SPAG16: variants seen among roughly 807,000 people sequenced by gnomAD.
The protein encoded by SPAG16 is sperm-associated antigen 16 protein.
SPAG16 carries 86 observed loss-of-function variants against 80.4 expected under a neutral mutation model. The observed-to-expected ratio is 1.07, with a 90% confidence interval of 0.90 to 1.28. SPAG16 has a LOEUF of 1.28. Ranked by LOEUF, SPAG16 falls within the 50% of genes most tolerant of loss-of-function variation. The probability of loss-of-function intolerance (pLI) is 0.00; values close to 1 mark genes in which losing one functional copy is unlikely to be tolerated. For missense variants in SPAG16, 870 were observed against 765.3 expected, an observed-to-expected ratio of 1.14 and a Z score of -1.61; for synonymous variants, 294 against 265.9, an observed-to-expected ratio of 1.11 and a Z score of -1.03.
intron 10 of SPAG16, among the ~76,000 whole-genome samples, chr2:213,724,763 T>G (rs1289252204): frequency 3.9e-5 from 4 of 103,518 alleles, no homozygotes; most frequent in African/African-American, 1.5e-4. Context: ...GGTGACAGAG[T>G]GAGACTCTGT....
intron 10 of SPAG16, among the ~76,000 whole-genome samples, chr2:213,742,135 T>C (rs917086390): frequency 1.2e-3 from 2 of 1,638 alleles, no homozygotes; most frequent in African/African-American, 5.1e-3. Flanking sequence ...CTGTGTTTAG[T>C]ATTTTTTTTT....
chr2:213,467,385 A>T (rs750602601), intron 9 of SPAG16, among the ~76,000 whole-genome samples: 1 of 152,134 alleles, frequency 6.6e-6, no homozygotes, highest in African/African-American at 2.4e-5. Flanking sequence ...AGCCATAAGG[A>T]TGGTAGTTCC....
At chr2:213,775,476 A>G (rs2125564208) in intron 10 of SPAG16, among the ~76,000 whole-genome samples, 1 of 152,302 alleles carries the variant, frequency 6.6e-6, no homozygotes, top group East Asian at 1.9e-4. Flanking sequence ...TGTGATAACA[A>G]CACTTAACAT....
intron 11 of SPAG16, among the ~76,000 whole-genome samples, chr2:213,878,841 G>A (rs960108095): frequency 1.3e-5 from 2 of 151,970 alleles, no homozygotes; most frequent in Admixed American, 6.6e-5. Flanking sequence ...GGGAGATAGG[G>A]GTCCAGCTTT....
At chr2:213,555,408 T>C (rs1476482256) in intron 10 of SPAG16, among the ~76,000 whole-genome samples, 1 of 152,198 alleles carries the variant, frequency 6.6e-6, no homozygotes, top group Non-Finnish European at 1.5e-5. Flanking sequence ...TGTATAAGTG[T>C]CTGGCATTTC....
intron 12 of SPAG16, among the ~76,000 whole-genome samples, chr2:213,952,809 G>A (rs553137511): frequency 6.6e-6 from 1 of 152,020 alleles, no homozygotes; most frequent in East Asian, 1.9e-4. Flanking sequence ...CTGAAATATG[G>A]GTGTCAAGTC....
At chr2:213,348,571 T>G (rs2065136436) in intron 6 of SPAG16, among the ~76,000 whole-genome samples, 1 of 152,174 alleles carries the variant, frequency 6.6e-6, no homozygotes, top group African/African-American at 2.4e-5. Context: ...AGGGCAGGCC[T>G]GGTGGTGACA....
intron 15 of SPAG16, among the ~76,000 whole-genome samples, chr2:214,354,643 C>A (rs1273564375): frequency 6.6e-6 from 1 of 151,714 alleles, no homozygotes; most frequent in Non-Finnish European, 1.5e-5. Context: ...ATGGAATGTT[C>A]TTCCATTTGT....
At chr2:213,481,597 A>G (rs1049362664) in intron 9 of SPAG16, among the ~76,000 whole-genome samples, 2 of 152,178 alleles carry the variant, frequency 1.3e-5, no homozygotes, top group East Asian at 1.9e-4. Flanking sequence ...AATTTTGTTT[A>G]GCCTCTGTTT....
intron 15 of SPAG16, among the ~76,000 whole-genome samples, chr2:214,264,330 C>T (rs1372394092): frequency 6.6e-6 from 1 of 152,152 alleles, no homozygotes; most frequent in Admixed American, 6.6e-5. Context: ...ATCTTTCACT[C>T]CTCTCTCCTC....
intron 13 of SPAG16, among the ~76,000 whole-genome samples, chr2:214,035,290 G>A (rs188138652): frequency 1.1e-4 from 17 of 152,216 alleles, no homozygotes; most frequent in Admixed American, 3.3e-4. Context: ...CCAGCAGCCC[G>A]GCCCCCAGGC....
At chr2:214,042,086 T>G (rs1015228155) in intron 13 of SPAG16, among the ~76,000 whole-genome samples, 2 of 148,398 alleles carry the variant, frequency 1.3e-5, no homozygotes, top group African/African-American at 4.9e-5. Context: ...TTTTTCTTTT[T>G]CTTTTTCTTT....
At chr2:213,680,980 A>G (rs1210330935) in intron 10 of SPAG16, among the ~76,000 whole-genome samples, 1 of 152,234 alleles carries the variant, frequency 6.6e-6, no homozygotes, top group Non-Finnish European at 1.5e-5. Context: ...GTTTAGGTTA[A>G]GATAAAGGAT....
chr2:214,077,270 C>T (rs889169922), intron 13 of SPAG16, among the ~76,000 whole-genome samples: 1 of 152,246 alleles, frequency 6.6e-6, no homozygotes, highest in Non-Finnish European at 1.5e-5. Context: ...TTCAAGGGAT[C>T]CCGAGAGGAT....
rs113682973 is a variant in SPAG16 at position 213,874,064 on chromosome 2, A to G, written c.1214+11436A>G. On this transcript the variant is annotated intron_variant, in intron 11 of 15. Transcript: ENST00000331683. Reference sequence around the variant, plus strand: ...GAAAGATATAGTAAAAATACAGTATAAAAGATAAAAAGTGGTATACTTGTT... The same window carrying G: ...GAAAGATATAGTAAAAATACAGTATGAAAGATAAAAAGTGGTATACTTGTT... Among the ~76,000 whole-genome samples the G allele has an allele frequency of 8.5e-4, 129 of 152,274 alleles. 2 individuals carry two copies. The highest frequency in any genetic ancestry group is 3.0e-3 in the African/African-American group (124 of 41,560).
At chr2:214,215,557 T>A (rs183209254) in intron 15 of SPAG16, among the ~76,000 whole-genome samples, 1 of 152,284 alleles carries the variant, frequency 6.6e-6, no homozygotes, top group African/African-American at 2.4e-5. Flanking sequence ...TCAAATAAAG[T>A]CTCTCCTTAC....
At chr2:213,357,623 A>C (rs2065736725) in intron 7 of SPAG16, among the ~76,000 whole-genome samples, 1 of 151,916 alleles carries the variant, frequency 6.6e-6, no homozygotes, top group South Asian at 2.1e-4. Context: ...CTCTTCCTTC[A>C]TCCCTTTATT....
intron 10 of SPAG16, among the ~76,000 whole-genome samples, chr2:213,611,733 A>G (rs1349069164): frequency 1.3e-5 from 2 of 152,192 alleles, no homozygotes; most frequent in African/African-American, 2.4e-5. Context: ...TAATAAGCTA[A>G]TAATAGGTGA....
At chr2:214,082,824 G>A (rs1221011814) in intron 13 of SPAG16, among the ~76,000 whole-genome samples, 2 of 152,034 alleles carry the variant, frequency 1.3e-5, no homozygotes, top group African/African-American at 2.4e-5. Flanking sequence ...TTACTTCCTA[G>A]CCTCATAGTT....
Sources: allele counts gnomAD v4.1 joint callset (sites outside exome capture counted in the v4.1 genomes callset), GRCh38; gene constraint gnomAD v4.1.1; transcripts MANE v1.5; gene names NCBI Gene and HGNC (gene_info 2026-07-23, HGNC 2026-07-21).